The following NIBAN1 variants were observed in gnomAD, a reference collection of about 807,000 sequenced individuals.
NIBAN1 encodes the protein niban apoptosis regulator 1.
A neutral mutation model predicts 75.1 loss-of-function variants in NIBAN1; 81 were observed. The ratio of observed to expected loss-of-function variants is 1.08; its 90% CI spans 0.90 to 1.30. The LOEUF (loss-of-function observed/expected upper bound fraction) is 1.30. NIBAN1 is among the 50% of genes most tolerant of loss of function. NIBAN1 has a pLI of 0.00. For missense variants in NIBAN1, 1,133 were observed against 1,128.1 expected (o/e 1.00, Z -0.06); for synonymous variants, 436 against 424.8 (o/e 1.03, Z -0.32).
intron 1 of NIBAN1, among the ~76,000 whole-genome samples, chr1:184,920,706 T>A (rs1314538272): frequency 6.6e-6 from 1 of 152,148 alleles, no homozygotes; most frequent in Non-Finnish European, 1.5e-5. Flanking sequence ...ATTATAAAAG[T>A]CGAAGCAAAC....
At chr1:184,838,966 G>A (rs766493876) in intron 5 of NIBAN1, among the ~76,000 whole-genome samples, 23 of 152,302 alleles carry the variant, frequency 1.5e-4, no homozygotes, top group Admixed American at 5.2e-4. Flanking sequence ...TTTGCTTCAG[G>A]TCAGATGTCA....
chr1:184,917,291 A>G (rs929210419), intron 1 of NIBAN1, among the ~76,000 whole-genome samples: 17 of 122,912 alleles, frequency 1.4e-4, no homozygotes, highest in African/African-American at 2.9e-4. Context: ...TGCAAGCTCC[A>G]CCTCCCGGGT....
chr1:184,839,618 G>T (rs1014044117), intron 5 of NIBAN1, among the ~76,000 whole-genome samples: 2 of 150,680 alleles, frequency 1.3e-5, no homozygotes, highest in African/African-American at 2.4e-5. Flanking sequence ...TTTTTGAGAC[G>T]TAGTTTCACT....
At chr1:184,961,821 T>C (rs948870615) in intron 1 of NIBAN1, among the ~76,000 whole-genome samples, 2 of 152,232 alleles carry the variant, frequency 1.3e-5, no homozygotes, top group South Asian at 2.1e-4. Context: ...TTTGCTCTTA[T>C]AAGGAGACTC....
At chr1:184,797,265 G>A (rs530758316) in intron 13 of NIBAN1, among the ~76,000 whole-genome samples, 35 of 151,592 alleles carry the variant, frequency 2.3e-4, no homozygotes, top group Non-Finnish European at 4.0e-4. Flanking sequence ...TCACCTTCTG[G>A]AGTAGCTGGG....
At chr1:184,833,474 A>G (rs1655051557) in intron 5 of NIBAN1, among the ~76,000 whole-genome samples, 2 of 152,036 alleles carry the variant, frequency 1.3e-5, no homozygotes, top group Non-Finnish European at 2.9e-5. Context: ...TTGGGAGGCC[A>G]AGGATGGAGG....
intron 5 of NIBAN1, among the ~76,000 whole-genome samples, chr1:184,835,122 T>C (rs1655102778): frequency 6.6e-6 from 1 of 152,236 alleles, no homozygotes; most frequent in South Asian, 2.1e-4. Context: ...TTTCTTGTTT[T>C]TGTCAGGTTT....
Position 184,844,291 on chromosome 1 carries a change from G to A in NIBAN1, c.602-12329C>T, listed in dbSNP as rs543737704. ...AAATAACTTGGCTAGCTTTACATGAGAGAACAAATCACTGGCATTAATTGG... is the reference window on the plus strand; with the variant it reads ...AAATAACTTGGCTAGCTTTACATGAAAGAACAAATCACTGGCATTAATTGG... On this transcript the variant is annotated intron_variant, in intron 5 of 13. Coordinates refer to ENST00000367511, the MANE Select transcript of NIBAN1 (RefSeq NM_052966.4). Among the ~76,000 whole-genome samples, 3 of 152,290 alleles carry A rather than the reference G, an allele frequency of 2.0e-5. No individual in the cohort carries two copies. In the East Asian group the frequency reaches 5.8e-4, roughly 29 times the overall value.
At chr1:184,920,131 C>T (rs1440374838) in intron 1 of NIBAN1, among the ~76,000 whole-genome samples, 7 of 151,988 alleles carry the variant, frequency 4.6e-5, no homozygotes, top group Non-Finnish European at 8.8e-5. Context: ...ACCTACAAGA[C>T]GTGTAAAAAT....
At chr1:184,830,737 C>T (rs895337247) in intron 6 of NIBAN1, among the ~76,000 whole-genome samples, 2 of 152,062 alleles carry the variant, frequency 1.3e-5, no homozygotes, top group East Asian at 1.9e-4. Context: ...CGTGGTGGCT[C>T]ATGCCTATAA....
intron 1 of NIBAN1, 81 bp from the exon 2 acceptor site, chr1:184,899,390 C>T: frequency 5.6e-6 from 8 of 1,441,044 alleles, no homozygotes; most frequent in Non-Finnish European, 7.7e-6. Context: ...ACCATCCCTC[C>T]AGTCTCTCTG....
At chr1:184,967,360 A>T (rs1485431836) in intron 1 of NIBAN1, among the ~76,000 whole-genome samples, 1 of 151,892 alleles carries the variant, frequency 6.6e-6, no homozygotes, top group South Asian at 2.1e-4. Context: ...TTCACTTCTG[A>T]CTTCATTTCC....
chr1:184,820,107 A>G (rs942131250), intron 8 of NIBAN1, among the ~76,000 whole-genome samples: 3 of 152,246 alleles, frequency 2.0e-5, no homozygotes, highest in Non-Finnish European at 4.4e-5. Flanking sequence ...TCCAAATATG[A>G]CACAATCTAA....
chr1:184,939,236 T>C (rs1263037801), intron 1 of NIBAN1, among the ~76,000 whole-genome samples: 1 of 152,204 alleles, frequency 6.6e-6, no homozygotes, highest in African/African-American at 2.4e-5. Context: ...ACCACATCAG[T>C]GCCATAAACA....
At chr1:184,971,253 C>T (rs1251221254) in intron 1 of NIBAN1, among the ~76,000 whole-genome samples, 1 of 151,558 alleles carries the variant, frequency 6.6e-6, no homozygotes, top group East Asian at 1.9e-4. Flanking sequence ...ACTCAGCCTG[C>T]GTAACAGAGT....
intron 5 of NIBAN1, among the ~76,000 whole-genome samples, chr1:184,836,394 A>G (rs1655144229): frequency 6.6e-6 from 1 of 152,234 alleles, no homozygotes; most frequent in Admixed American, 6.5e-5. Context: ...AATTCTTCAC[A>G]TCCTTATAAG....
intron 1 of NIBAN1, among the ~76,000 whole-genome samples, chr1:184,944,594 C>T (rs1658177797): frequency 6.6e-6 from 1 of 152,178 alleles, no homozygotes. Context: ...ACAAGAACAT[C>T]TTGGAGACTA....
intron 1 of NIBAN1, among the ~76,000 whole-genome samples, chr1:184,914,615 G>T (rs1192174851): frequency 2.0e-5 from 3 of 152,072 alleles, no homozygotes; most frequent in Non-Finnish European, 4.4e-5. Context: ...ATTACAACAT[G>T]ATGCTATGGG....
At chr1:184,866,044 C>G (rs1655947524) in intron 5 of NIBAN1, among the ~76,000 whole-genome samples, 1 of 152,026 alleles carries the variant, frequency 6.6e-6, no homozygotes, top group South Asian at 2.1e-4. Context: ...TCCCATGCTC[C>G]TTTATTCAGT....
Sources: gnomAD v4.1 joint callset for allele counts (sites outside exome capture counted in the v4.1 genomes callset) on GRCh38, gnomAD v4.1.1 for gene constraint, MANE v1.5 for transcripts, NCBI Gene and HGNC (gene_info 2026-07-23, HGNC 2026-07-21) for gene names.